Variants in CSMD1 observed in about 807,000 individuals in gnomAD.
CSMD1 encodes CUB and Sushi multiple domains 1, also known as CUB and sushi domain-containing protein 1.
A neutral mutation model predicts 417.5 loss-of-function variants in CSMD1; 213 were observed. The ratio of observed to expected loss-of-function variants is 0.51; its 90% CI spans 0.46 to 0.57. CSMD1 has a LOEUF of 0.57. Among genes scored for constraint, CSMD1 ranks in the 20% least tolerant of loss-of-function variants. The pLI is 0.00. For synonymous variants in CSMD1, 2,862 were observed against 1,736.8 expected (o/e 1.65, Z -16.11); for missense variants, 6,923 against 4,529.7 (o/e 1.53, Z -15.17).
rs748838974 is a variant in CSMD1 at position 3,000,006 on chromosome 8, T to C, written c.8155A>G (p.Ile2719Val). 1.9e-6 allele frequency: 3 copies of C among 1,608,604 alleles called. No individual in the cohort carries two copies. Among genetic ancestry groups the C allele is most frequent in the Non-Finnish European group, 2.5e-6 (3 of 1,178,938 alleles). The change falls in exon 53 of 70, where the codon ATA (isoleucine) becomes GTA (valine). Residue 2719 changes from isoleucine (I) to valine (V), a missense_variant. Transcript: ENST00000635120. ...GACCACTTGTGGTCTTGCAGGCATATCCTCACGGAAGTTCCCACAAGCCGG... is the reference window on the plus strand; with the variant it reads ...GACCACTTGTGGTCTTGCAGGCATACCCTCACGGAAGTTCCCACAAGCCGG... ...GFRLVGTSVRICLQDHKWSGQ... is the reference protein window; with the variant it reads ...GFRLVGTSVRVCLQDHKWSGQ...
At chr8:4,155,919 G>T (rs1021883067) in intron 3 of CSMD1, among the ~76,000 whole-genome samples, 1 of 152,134 alleles carries the variant, frequency 6.6e-6, no homozygotes, top group South Asian at 2.1e-4. Flanking sequence ...GAGCTTTTGA[G>T]GAATGCACAG....
At chr8:3,572,851 C>T (rs1800000499) in intron 10 of CSMD1, among the ~76,000 whole-genome samples, 1 of 152,142 alleles carries the variant, frequency 6.6e-6, no homozygotes, top group Non-Finnish European at 1.5e-5. Context: ...CAGCTATTTC[C>T]TCTGTAAAGT....
At chr8:3,609,417 T>G (rs942398297) in intron 8 of CSMD1, among the ~76,000 whole-genome samples, 3 of 152,224 alleles carry the variant, frequency 2.0e-5, no homozygotes, top group Non-Finnish European at 2.9e-5. Flanking sequence ...GTCAGCAAAC[T>G]GTCCCCAAAC....
At chr8:3,896,572 C>T (rs755418004) in intron 5 of CSMD1, among the ~76,000 whole-genome samples, 3 of 151,778 alleles carry the variant, frequency 2.0e-5, no homozygotes, top group Non-Finnish European at 2.9e-5. Flanking sequence ...AGTGCAGTGG[C>T]GTGATCTCGG....
intron 3 of CSMD1, among the ~76,000 whole-genome samples, chr8:4,203,782 A>G (rs1434391990): frequency 6.6e-6 from 1 of 152,170 alleles, no homozygotes; most frequent in Non-Finnish European, 1.5e-5. Flanking sequence ...GTACATATAC[A>G]TAAGCTAATT....
intron 3 of CSMD1, among the ~76,000 whole-genome samples, chr8:4,419,651 G>A (rs1725132): frequency 0.77 from 116,654 of 152,094 alleles, 44,974 homozygotes; most frequent in Middle Eastern, 0.85. Context: ...TCTTTACCAC[G>A]TAAGAGGGCT....
At chr8:4,125,374 C>T (rs928514038) in intron 3 of CSMD1, among the ~76,000 whole-genome samples, 6 of 152,184 alleles carry the variant, frequency 3.9e-5, no homozygotes, top group Non-Finnish European at 8.8e-5. Context: ...ACCTGCAGGT[C>T]CCCTCCCTGC....
At chr8:4,388,193 C>T (rs1426039418) in intron 3 of CSMD1, among the ~76,000 whole-genome samples, 2 of 152,048 alleles carry the variant, frequency 1.3e-5, no homozygotes, top group Admixed American at 6.6e-5. Context: ...GAAAAGAAGT[C>T]ATTATACGAA....
intron 12 of CSMD1, among the ~76,000 whole-genome samples, chr8:3,460,861 T>C (rs1423520599): frequency 6.6e-6 from 1 of 152,150 alleles, no homozygotes; most frequent in African/African-American, 2.4e-5. Flanking sequence ...GTCAGGAAGC[T>C]TGTTCTAGAA....
chr8:4,032,124 G>C (rs1203519548), intron 3 of CSMD1, 25 bp from the exon 4 acceptor site: 7 of 1,548,910 alleles, frequency 4.5e-6, no homozygotes, highest in Admixed American at 3.6e-5. Context: ...AAAGAAAGGA[G>C]AAAAAACAAG....
intron 1 of CSMD1, among the ~76,000 whole-genome samples, chr8:4,710,800 G>A (rs908113055): frequency 2.0e-5 from 3 of 151,570 alleles, no homozygotes; most frequent in Admixed American, 6.6e-5. Flanking sequence ...AGCCAAGATC[G>A]CACCACTGCG....
At chr8:4,019,380 G>C (rs932008066) in intron 4 of CSMD1, among the ~76,000 whole-genome samples, 1 of 152,114 alleles carries the variant, frequency 6.6e-6, no homozygotes, top group Non-Finnish European at 1.5e-5. Flanking sequence ...TCTCCGTGAA[G>C]CTGCAAGCAT....
intron 4 of CSMD1, among the ~76,000 whole-genome samples, chr8:4,008,782 T>C (rs963004534): frequency 5.9e-5 from 9 of 151,854 alleles, no homozygotes; most frequent in Non-Finnish European, 1.0e-4. Context: ...GGCTAATTTT[T>C]TGTGTTTTTG....
At chr8:4,671,594 A>G (rs1585426138) in intron 1 of CSMD1, among the ~76,000 whole-genome samples, 1 of 152,214 alleles carries the variant, frequency 6.6e-6, no homozygotes, top group Non-Finnish European at 1.5e-5. Flanking sequence ...GTCTCAAACA[A>G]CGTTATCTTC....
At chr8:4,894,791 T>G (rs2117016401) in intron 1 of CSMD1, among the ~76,000 whole-genome samples, 1 of 152,162 alleles carries the variant, frequency 6.6e-6, no homozygotes, top group South Asian at 2.1e-4. Flanking sequence ...ACTTTTAATT[T>G]TATTTCCTCA....
chr8:4,828,711 A>C (rs1157011936), intron 1 of CSMD1, among the ~76,000 whole-genome samples: 1 of 152,162 alleles, frequency 6.6e-6, no homozygotes, highest in Non-Finnish European at 1.5e-5. Context: ...GGCATGACTT[A>C]AAATCCTAAC....
chr8:3,281,606 A>G (rs1473709398), intron 26 of CSMD1, among the ~76,000 whole-genome samples: 1 of 152,090 alleles, frequency 6.6e-6, no homozygotes, highest in Non-Finnish European at 1.5e-5. Context: ...CGTGATTCTA[A>G]CTCTGTGACT....
intron 1 of CSMD1, among the ~76,000 whole-genome samples, chr8:4,993,007 C>T (rs1038576547): frequency 6.6e-6 from 1 of 152,186 alleles, no homozygotes; most frequent in Non-Finnish European, 1.5e-5. Context: ...GGAGGGGAAG[C>T]CCAGGCGGCA....
chr8:4,912,809 A>G (rs1198746217), intron 1 of CSMD1, among the ~76,000 whole-genome samples: 1 of 151,860 alleles, frequency 6.6e-6, no homozygotes, highest in African/African-American at 2.4e-5. Context: ...GGGGGGGCAC[A>G]GAGTCTTGCT....
Sources: gnomAD v4.1 joint callset for allele counts (sites outside exome capture counted in the v4.1 genomes callset) on GRCh38, gnomAD v4.1.1 for gene constraint, MANE v1.5 for transcripts, NCBI Gene and HGNC (gene_info 2026-07-23, HGNC 2026-07-21) for gene names.